C11orf97: variants seen among roughly 807,000 people sequenced by gnomAD.
C11orf97 encodes the protein uncharacterized protein C11orf97.
Under a neutral mutation model 16.2 loss-of-function variants are expected in C11orf97, and 15 were observed. That is an observed-to-expected ratio of 0.93 (90% confidence interval 0.62 to 1.43). The LOEUF (loss-of-function observed/expected upper bound fraction) is 1.43. Among genes scored for constraint, C11orf97 ranks in the 40% most tolerant of loss-of-function variants. C11orf97 has a pLI of 0.00. For synonymous variants in C11orf97, 61 were observed against 65.7 expected, an observed-to-expected ratio of 0.93 and a Z score of 0.34; for missense variants, 171 against 161.2, an observed-to-expected ratio of 1.06 and a Z score of -0.33.
chr11:94,531,956 G>T lies in C11orf97; in HGVS notation c.*56G>T. The T allele has an allele frequency of 7.3e-7, 1 of 1,379,300 alleles. No individual in the cohort carries two copies. The highest frequency in any genetic ancestry group is 9.5e-7 in the Non-Finnish European group (1 of 1,049,770). 85.4% of individuals were successfully genotyped at this position (1,379,300 alleles called of 1,614,324 possible). ...CTCTTTCTGCTGATGTCTGAAGAACGGAGAAGAAACTCAAGCTTGTTTCAG... is the reference window on the plus strand; with the variant it reads ...CTCTTTCTGCTGATGTCTGAAGAACTGAGAAGAAACTCAAGCTTGTTTCAG... On this transcript the variant is annotated 3_prime_UTR_variant, in exon 4 of 4. Coordinates refer to ENST00000542198, the MANE Select transcript of C11orf97 (RefSeq NM_001190462.2).
chr11:94,515,100 A>T (rs1947601554), intron 1 of C11orf97, among the ~76,000 whole-genome samples: 1 of 152,174 alleles, frequency 6.6e-6, no homozygotes, highest in South Asian at 2.1e-4. Context: ...GTAATAAACT[A>T]TGAATAATTT....
At chr11:94,516,270 T>C (rs1277775597) in intron 1 of C11orf97, among the ~76,000 whole-genome samples, 1 of 152,192 alleles carries the variant, frequency 6.6e-6, no homozygotes, top group Non-Finnish European at 1.5e-5. Flanking sequence ...ATGAGATACC[T>C]GCCCATATAT....
At chr11:94,514,103 C>A (rs888014036) in intron 1 of C11orf97, among the ~76,000 whole-genome samples, 2 of 152,190 alleles carry the variant, frequency 1.3e-5, no homozygotes, top group African/African-American at 4.8e-5. Flanking sequence ...AGCCACCACG[C>A]CCAGCCTCCT....
At chr11:94,527,640 G>A (rs1339866218) in intron 2 of C11orf97, among the ~76,000 whole-genome samples, 1 of 152,184 alleles carries the variant, frequency 6.6e-6, no homozygotes, top group Non-Finnish European at 1.5e-5. Context: ...GTGGCTTTTA[G>A]AGGATTCTTG....
chr11:94,528,207 G>A lies in C11orf97; in HGVS notation c.374G>A (p.Arg125Lys), dbSNP rs1250509507. 1 of 1,532,846 alleles carries A rather than the reference G, an allele frequency of 6.5e-7. No individual in the cohort carries two copies. The highest frequency in any genetic ancestry group is 2.0e-5 in the Admixed American group (1 of 49,972). 95.0% of individuals were successfully genotyped at this position (1,532,846 alleles called of 1,614,324 possible). A position where few individuals can be genotyped will look rare whatever the true frequency, so the allele number is the denominator to read the frequency against. Residue 125 changes from arginine (R) to lysine (K), a missense_variant and splice_region_variant, in exon 3 of 4, where the codon AGA (arginine) becomes AAA (lysine). By Grantham distance (26) the Arg-to-Lys change is conservative. Transcript: ENST00000542198. ...TACTACTCCAGGCACGGAGGACTCA[G>A]AAGTAAGACCCTGATGCCCTTGACT... is the stretch of plus-strand genomic sequence containing the variant. ...AKYYSRHGGLRR is the reference protein window; with the variant it reads ...AKYYSRHGGLKR
intron 2 of C11orf97, among the ~76,000 whole-genome samples, chr11:94,522,462 G>A (rs111583515): frequency 0.19 from 29,482 of 152,082 alleles, 3,187 homozygotes; most frequent in East Asian, 0.28. Flanking sequence ...GCGTGAACCC[G>A]GGAGGTGGAG....
At position 94,515,671 on chromosome 11, in the gene C11orf97, C is replaced by G. The variant is rs1322738210; in HGVS notation, c.146-1912C>G. On this transcript the variant is annotated intron_variant, in intron 1 of 3. Transcript: ENST00000542198. ...TCCTTTCTCCTTTCCTTCCCTTTTT[C>G]CTTTCCTCTCCTCTCCTTTCCTTCC... 2.7e-5 allele frequency among the ~76,000 whole-genome samples: 4 copies of G among 150,260 alleles called. No homozygotes were observed. The South Asian group carries it at 8.4e-4, about 32-fold the overall frequency.
At chr11:94,520,026 G>T (rs1194261749) in intron 2 of C11orf97, among the ~76,000 whole-genome samples, 2 of 152,212 alleles carry the variant, frequency 1.3e-5, no homozygotes, top group Non-Finnish European at 2.9e-5. Context: ...AAAACTTTTA[G>T]AGAATTGTGT....
intron 2 of C11orf97, 107 bp from the exon 3 acceptor site, chr11:94,527,977 C>A (rs1462674234): frequency 5.5e-6 from 6 of 1,092,574 alleles, no homozygotes; most frequent in African/African-American, 4.8e-5. Context: ...ACCAAATAAA[C>A]CCCCACCCAA....
intron 2 of C11orf97, among the ~76,000 whole-genome samples, chr11:94,519,200 G>A (rs930523480): frequency 2.0e-5 from 3 of 152,208 alleles, no homozygotes; most frequent in South Asian, 2.1e-4. Flanking sequence ...GAGCCACCAC[G>A]CCCGGCCCCA....
chr11:94,515,937 T>C (rs1947608537), intron 1 of C11orf97, among the ~76,000 whole-genome samples: 1 of 152,172 alleles, frequency 6.6e-6, no homozygotes, highest in South Asian at 2.1e-4. Flanking sequence ...TGTTCTGTTA[T>C]AGGCTTAGTT....
At chr11:94,522,889 C>T (rs572189012) in intron 2 of C11orf97, among the ~76,000 whole-genome samples, 10 of 152,044 alleles carry the variant, frequency 6.6e-5, no homozygotes, top group African/African-American at 2.4e-4. Context: ...GGATGGAGCA[C>T]GGAGGATAAA....
At chr11:94,518,345 T>C (rs1392866787) in intron 2 of C11orf97, among the ~76,000 whole-genome samples, 1 of 152,136 alleles carries the variant, frequency 6.6e-6, no homozygotes, top group Non-Finnish European at 1.5e-5. Context: ...CAGAATTACC[T>C]GGGAGCTTGT....
intron 3 of C11orf97, among the ~76,000 whole-genome samples, chr11:94,529,171 C>T (rs1947720162): frequency 6.6e-6 from 1 of 152,140 alleles, no homozygotes; most frequent in South Asian, 2.1e-4. Context: ...TCCATGCTTT[C>T]AACCACTAGA....
intron 2 of C11orf97, among the ~76,000 whole-genome samples, chr11:94,527,464 G>C (rs1234157312): frequency 3.9e-5 from 6 of 152,174 alleles, no homozygotes; most frequent in Admixed American, 3.9e-4. Flanking sequence ...GGATAACCAA[G>C]TGCAAATCTT....
At chr11:94,512,716 G>A in intron 1 of C11orf97, 43 bp downstream of exon 1, 1 of 1,234,364 alleles carries the variant, frequency 8.1e-7, no homozygotes, top group South Asian at 3.9e-5. Flanking sequence ...GAGGAGGGGC[G>A]TGGAGAACGA....
chr11:94,529,530 A>C (rs1182799231), intron 3 of C11orf97, among the ~76,000 whole-genome samples: 1 of 152,198 alleles, frequency 6.6e-6, no homozygotes, highest in East Asian at 1.9e-4. Context: ...ACATGATCAT[A>C]TGAGTTGAGG....
At chr11:94,519,807 T>C (rs1947643576) in intron 2 of C11orf97, among the ~76,000 whole-genome samples, 1 of 152,248 alleles carries the variant, frequency 6.6e-6, no homozygotes, top group African/African-American at 2.4e-5. Context: ...ATATCATGGC[T>C]AGAAGCCACA....
At chr11:94,523,956 C>A (rs886944999) in intron 2 of C11orf97, among the ~76,000 whole-genome samples, 2 of 152,156 alleles carry the variant, frequency 1.3e-5, no homozygotes, top group African/African-American at 4.8e-5. Context: ...AATGGGCTAA[C>A]AGGCCTCTTG....
Sources: allele counts gnomAD v4.1 joint callset (sites outside exome capture counted in the v4.1 genomes callset), GRCh38; gene constraint gnomAD v4.1.1; transcripts MANE v1.5; gene names NCBI Gene and HGNC (gene_info 2026-07-23, HGNC 2026-07-21).